Variants in LDHD observed in about 807,000 individuals in gnomAD.
The protein encoded by LDHD is lactate dehydrogenase D, also known as D-lactate dehydrogenase, mitochondrial.
A neutral mutation model predicts 52.9 loss-of-function variants in LDHD; 58 were observed. That is an observed-to-expected ratio of 1.10 (90% CI 0.89 to 1.36). The LOEUF (loss-of-function observed/expected upper bound fraction) is 1.36, where lower values mean the gene tolerates loss of function less well. LDHD is among the 40% of genes most tolerant of loss of function. LDHD has a pLI of 0.00. For synonymous variants in LDHD, 350 were observed against 288.6 expected (o/e 1.21, Z -2.16); for missense variants, 747 against 668.0 (o/e 1.12, Z -1.30).
In LDHD at chr16:75,116,677, C is replaced by T; in HGVS notation, c.44G>A (p.Trp15Ter). ...TGCCTTCTGGGAGCAGTAGCCCCTC[C>T]AGGGGAACAGCTCCCAGGTTGCAGA... ...LRSATWELFPWRGYCSQKAKG... is the reference protein window; with the variant it reads ...LRSATWELFP The change falls in exon 1 of 11, where the codon TGG becomes TAG. Residue 15 changes from tryptophan to a stop codon, truncating the protein, a stop_gained. Coordinates refer to ENST00000450168, the MANE Select transcript of LDHD (RefSeq NM_194436.3). LOFTEE classifies it high-confidence loss of function. 6.2e-7 allele frequency: 1 copy of T among 1,603,816 alleles called. No homozygotes were observed. Among genetic ancestry groups the T allele is most frequent in the Non-Finnish European group, 8.5e-7 (1 of 1,175,848 alleles).
Position 75,113,983 on chromosome 16 carries a change from A to G in LDHD, c.812T>C (p.Val271Ala), listed in dbSNP as rs1025735183. The G allele has an allele frequency of 3.1e-6, 5 of 1,599,268 alleles. No homozygotes were observed. The Admixed American group carries it at 8.4e-5, about 27-fold the overall frequency. The part of the protein sequence containing the change: ...DSTVHILQAA[V>A]PVARIEFLDE... The stretch of plus-strand genomic sequence containing the variant: ...CAGCTCACCAATGCGGGCTACGGGC[A>G]CTGCAGCCTGGAGGATGTGTACAGT... The change falls in exon 6 of 11, where the codon GTG (valine) becomes GCG (alanine). Residue 271 changes from valine to alanine, a missense_variant. By Grantham distance (64) the Val-to-Ala change is moderately conservative. Transcript: ENST00000450168.
In LDHD at chr16:75,113,518, C is replaced by T; in HGVS notation, c.1086+17G>A. ...GGCCGAGCTGTGGGCCCCATCTGTA[C>T]CCCAGCCCCAGCTCACCTTGCAGCC... On this transcript the variant is annotated intron_variant, in intron 8 of 10. Coordinates refer to ENST00000450168, the MANE Select transcript of LDHD (RefSeq NM_194436.3). 1 of 1,597,784 alleles carries T rather than the reference C, an allele frequency of 6.3e-7. No individual in the cohort carries two copies. Among genetic ancestry groups the T allele is most frequent in the Non-Finnish European group, 8.5e-7 (1 of 1,173,116 alleles).
chr16:75,112,923 C>A lies in LDHD; in HGVS notation c.1088G>T (p.Gly363Val). Residue 363 changes from glycine to valine, a missense_variant and splice_region_variant, in exon 9 of 11, where the codon GGC becomes GTC. By Grantham distance (109) the Gly-to-Val change is moderately radical (BLOSUM62 -3). Coordinates refer to ENST00000450168, the MANE Select transcript of LDHD (RefSeq NM_194436.3). ...GGGCACACACACATCCGTGGAGTAG[C>A]CCTGGTCAGAGGGAAGCCTATGAGT... is the stretch of plus-strand genomic sequence containing the variant. ...AALATRPGCKGYSTDVCVPIS... is the reference protein window; with the variant it reads ...AALATRPGCKVYSTDVCVPIS... The A allele has an allele frequency of 6.2e-7, 1 of 1,610,192 alleles. No individual in the cohort carries two copies. Among genetic ancestry groups the A allele is most frequent in the Non-Finnish European group, 8.5e-7 (1 of 1,179,382 alleles).
chr16:75,114,844 C>G lies in LDHD; in HGVS notation c.452G>C (p.Gly151Ala), dbSNP rs775104469. Reference sequence around the variant, plus strand: ...AGTCCTACCCACGGGAAACCAGAGGCCGCTGTCCCGCAGGTGGGCGTTGAG... The same window carrying G: ...AGTCCTACCCACGGGAAACCAGAGGGCGCTGTCCCGCAGGTGGGCGTTGAG... The part of the protein sequence containing the change: ...KALNAHLRDS[G>A]LWFPVDPGAD... Residue 151 changes from glycine (G) to alanine (A), a missense_variant, in exon 4 of 11, where the codon GGC becomes GCC. Coordinates refer to ENST00000450168, the MANE Select transcript of LDHD (RefSeq NM_194436.3). 6.2e-7 allele frequency: 1 copy of G among 1,613,342 alleles called. No individual in the cohort carries two copies. The highest frequency in any genetic ancestry group is 1.1e-5 in the South Asian group (1 of 91,008).
At position 75,113,654 on chromosome 16, in the gene LDHD, C is replaced by T; in HGVS notation, c.967G>A (p.Val323Ile). Residue 323 changes from valine to isoleucine, a missense_variant, in exon 8 of 11, where the codon GTC becomes ATC. Physicochemically the swap from Val to Ile is conservative, Grantham distance 29. Coordinates refer to ENST00000450168, the MANE Select transcript of LDHD (RefSeq NM_194436.3). The part of the protein sequence containing the change: ...EEQLQRTEEI[V>I]QQNGASDFSW... The stretch of plus-strand genomic sequence containing the variant: ...AAGTCAGAGGCTCCGTTCTGCTGGA[C>T]TATCTCCTCTGCAGTTGGGGAAGGG... 6.2e-7 allele frequency: 1 copy of T among 1,613,432 alleles called. No homozygotes were observed. The highest frequency in any genetic ancestry group is 1.1e-5 in the South Asian group (1 of 91,084).
chr16:75,114,031 CTG>C lies in LDHD; in HGVS notation c.762_763del (p.Ser255CysfsTer22), dbSNP rs1050085700. On this transcript the variant is annotated frameshift_variant, in exon 6 of 11. Coordinates refer to ENST00000450168, the MANE Select transcript of LDHD (RefSeq NM_194436.3). LOFTEE classifies it high-confidence loss of function. ...AGTGCTGTCCACAGCAGCCTGGACA[CTG>C]GGGAACGCACACGTGGCGGCCACTG... 2 of 1,609,196 alleles carry C rather than the reference CTG, an allele frequency of 1.2e-6. No individual in the cohort carries two copies. Among genetic ancestry groups the C allele is most frequent in the East Asian group, 2.2e-5 (1 of 44,884 alleles).
At chr16:75,115,420 G>T in intron 2 of LDHD, 81 bp from the exon 3 acceptor site, 1 of 1,598,242 alleles carries the variant, frequency 6.3e-7, no homozygotes, top group South Asian at 1.1e-5. Flanking sequence ...GCTACAGCAA[G>T]CGAGGGGCAG....
In LDHD at chr16:75,111,960, A is replaced by C. The variant is rs2036402226; in HGVS notation, c.*396T>G. 2 of 180,380 alleles carry C rather than the reference A, an allele frequency of 1.1e-5. No individual in the cohort carries two copies. The highest frequency in any genetic ancestry group is 2.3e-5 in the Non-Finnish European group (2 of 86,542). 11.2% of individuals were successfully genotyped at this position (180,380 alleles called of 1,614,324 possible). On this transcript the variant is annotated 3_prime_UTR_variant, in exon 11 of 11. Coordinates refer to ENST00000450168, the MANE Select transcript of LDHD (RefSeq NM_194436.3). ...CGGGAGCTCACGTTCCATACCAGGA[A>C]AGGAGTGTTCCTGTCACCAGGTGAA...
chr16:75,115,784 C>G, intron 1 of LDHD, 124 bp from the exon 2 acceptor site: 1 of 597,264 alleles, frequency 1.7e-6, no homozygotes, highest in Middle Eastern at 4.5e-4. Flanking sequence ...GCCCGCCCCG[C>G]TGACAACATC....
chr16:75,114,425 A>AG, intron 5 of LDHD, 101 bp downstream of exon 5: 2 of 1,376,282 alleles, frequency 1.5e-6, no homozygotes, highest in South Asian at 1.5e-5. Context: ...CTGCCAAACC[A>AG]GGGGGCCGCC....
Position 75,114,972 on chromosome 16 carries a change from G to T in LDHD, c.328-4C>A. 6.2e-7 allele frequency: 1 copy of T among 1,608,086 alleles called. No homozygotes were observed. Among genetic ancestry groups the T allele is most frequent in the Non-Finnish European group, 8.5e-7 (1 of 1,177,262 alleles). On this transcript the variant is annotated splice_polypyrimidine_tract_variant and splice_region_variant and intron_variant, in intron 3 of 10. Coordinates refer to ENST00000450168, the MANE Select transcript of LDHD (RefSeq NM_194436.3). ...TCAGGTTAACGCAGACGCCGCCCTG[G>T]TTGGGGCAGGTGCTAAGACCACTGC...
chr16:75,115,941 T>TAATTA (rs11422701), intron 1 of LDHD, among the ~76,000 whole-genome samples: 29 of 152,072 alleles, frequency 1.9e-4, no homozygotes, highest in Admixed American at 5.2e-4. Context: ...AACAGGGTCT[T>TAATTA]ACTATGTTGC....
At chr16:75,115,720 C>T in intron 1 of LDHD, 60 bp from the exon 2 acceptor site, 1 of 1,116,870 alleles carries the variant, frequency 9.0e-7, no homozygotes, top group Non-Finnish European at 1.3e-6. Context: ...CACAGCCCTG[C>T]CCCAGTGTCG....
chr16:75,113,720 G>GC, intron 7 of LDHD, 22 bp downstream of exon 7: 4 of 1,612,944 alleles, frequency 2.5e-6, no homozygotes, highest in African/African-American at 1.3e-5. Flanking sequence ...CCACCCTGCT[G>GC]CCCCACTCCA....
Position 75,112,652 on chromosome 16 carries a change from A to C in LDHD, c.1239T>G (p.Asp413Glu). 2 of 1,614,146 alleles carry C rather than the reference A, an allele frequency of 1.2e-6. No homozygotes were observed. The highest frequency in any genetic ancestry group is 1.7e-6 in the Non-Finnish European group (2 of 1,180,028). ...TGACCCTGCCCAGTTCCTCGGCGTC[A>C]TCAGGGTTGACCAGCAGGATGCAGT... ...NFHCILLVNP[D>E]DAEELGRVKA... The change falls in exon 10 of 11, where the codon GAT (aspartate) becomes GAG (glutamate). Residue 413 changes from aspartate (D) to glutamate (E), a missense_variant. Transcript: ENST00000450168.
At chr16:75,115,387 C>A in intron 2 of LDHD, 48 bp from the exon 3 acceptor site, 1 of 1,609,218 alleles carries the variant, frequency 6.2e-7, no homozygotes. Flanking sequence ...ACCCTCTGGT[C>A]CCGAGGTGTT....
chr16:75,114,712 C>A, intron 4 of LDHD, 27 bp from the exon 5 acceptor site: 2 of 1,539,730 alleles, frequency 1.3e-6, no homozygotes, highest in Non-Finnish European at 1.8e-6. Context: ...AGAAGGCAGC[C>A]TCAGGGACCG....
At position 75,112,044 on chromosome 16, in the gene LDHD, T is replaced by G. The variant is rs571044066; in HGVS notation, c.*312A>C. ...GCCTCGGGGAGGGGTGTCATCAGAG[T>G]CTTGAATGGACCCAGACGCTCTCTT... On this transcript the variant is annotated 3_prime_UTR_variant, in exon 11 of 11. Transcript: ENST00000450168. 6.0e-5 allele frequency: 19 copies of G among 316,356 alleles called. No homozygotes were observed. The highest frequency in any genetic ancestry group is 1.1e-4 in the Non-Finnish European group (19 of 172,112). The allele number at this position is 316,356 out of a possible 1,614,324, so 19.6% of individuals were successfully genotyped here. A position where few individuals can be genotyped will look rare whatever the true frequency, so the allele number is the denominator to read the frequency against.
In LDHD at chr16:75,115,187, C is replaced by A; in HGVS notation, c.327+11G>T. 6.2e-7 allele frequency: 1 copy of A among 1,608,394 alleles called. No homozygotes were observed. Among genetic ancestry groups the A allele is most frequent in the Non-Finnish European group, 8.5e-7 (1 of 1,178,264 alleles). ...ACCATCCTCGGGCCGGGCGAGGGAG[C>A]CCCACTGTACCTGCACAGCACAGAC... On this transcript the variant is annotated intron_variant, in intron 3 of 10. Coordinates refer to ENST00000450168, the MANE Select transcript of LDHD (RefSeq NM_194436.3).
Sources: allele counts gnomAD v4.1 joint callset (sites outside exome capture counted in the v4.1 genomes callset), GRCh38; gene constraint gnomAD v4.1.1; transcripts MANE v1.5; gene names NCBI Gene and HGNC (gene_info 2026-07-23, HGNC 2026-07-21).